The following TENM3 variants were observed in gnomAD, a reference collection of about 807,000 sequenced individuals.
TENM3 encodes the protein teneurin transmembrane protein 3, also known as teneurin-3.
A neutral mutation model predicts 255.1 loss-of-function variants in TENM3; 63 were observed. The ratio of observed to expected loss-of-function variants is 0.25; its 90% CI spans 0.20 to 0.30. The LOEUF is 0.30. Ranked by LOEUF, TENM3 falls within the 10% of genes least tolerant of loss-of-function variation. The pLI, the probability that TENM3 is intolerant of heterozygous loss-of-function variation, is 1.00. For synonymous variants in TENM3, 1,306 were observed against 1,322.3 expected (o/e 0.99, Z 0.27); for missense variants, 2,929 against 3,461.1 (o/e 0.85, Z 3.86).
At chr4:182,295,360 C>G (rs1337878930) in intron 1 of TENM3, among the ~76,000 whole-genome samples, 4 of 149,224 alleles carry the variant, frequency 2.7e-5, no homozygotes, top group Non-Finnish European at 5.9e-5. Context: ...CCCTGCCTCC[C>G]GAGTTCAAGT....
At chr4:182,662,666 T>G (rs1754325711) in intron 6 of TENM3, among the ~76,000 whole-genome samples, 1 of 152,198 alleles carries the variant, frequency 6.6e-6, no homozygotes, top group Admixed American at 6.5e-5. Context: ...TTTTTATTTC[T>G]TCTGAAGCCA....
At chr4:181,806,549 A>G in the TENM3 span, among the ~76,000 whole-genome samples, 1 of 152,186 alleles carries the variant, frequency 6.6e-6, no homozygotes, top group Non-Finnish European at 1.5e-5. Flanking sequence ...CATGCCTTTT[A>G]AAAAGGGCTT....
At chr4:181,491,064 T>G in the TENM3 span, among the ~76,000 whole-genome samples, 1 of 152,110 alleles carries the variant, frequency 6.6e-6, no homozygotes, top group Non-Finnish European at 1.5e-5. Flanking sequence ...TTTTAAAAAA[T>G]ACCTTCTGAG....
chr4:182,453,595 A>G (rs936575155), intron 3 of TENM3, among the ~76,000 whole-genome samples: 1 of 152,192 alleles, frequency 6.6e-6, no homozygotes, highest in Non-Finnish European at 1.5e-5. Flanking sequence ...TTTTGTGGTT[A>G]TATATATTAA....
At chr4:182,551,033 C>G (rs1298891244) in intron 3 of TENM3, among the ~76,000 whole-genome samples, 1 of 151,984 alleles carries the variant, frequency 6.6e-6, no homozygotes, top group African/African-American at 2.4e-5. Flanking sequence ...CCAGCCTGGT[C>G]AACACAGTGA....
chr4:181,602,445 A>C, the TENM3 span, among the ~76,000 whole-genome samples: 1 of 152,164 alleles, frequency 6.6e-6, no homozygotes, highest in Non-Finnish European at 1.5e-5. Context: ...GCAAACCATC[A>C]TTTGTGATGA....
chr4:182,075,928 T>G, the TENM3 span, among the ~76,000 whole-genome samples: 1 of 152,202 alleles, frequency 6.6e-6, no homozygotes, highest in Admixed American at 6.5e-5. Context: ...CCTTTTCTTT[T>G]TAAGAGGTAG....
chr4:182,462,108 A>T (rs1222172563), intron 3 of TENM3, among the ~76,000 whole-genome samples: 1 of 150,142 alleles, frequency 6.7e-6, no homozygotes, highest in Non-Finnish European at 1.5e-5. Context: ...GGTCTCTGTC[A>T]TCCAGGCTGC....
rs745874984 is a variant in TENM3, at chr4:182,346,924, A to G, written c.506A>G (p.Glu169Gly). The change falls in exon 3 of 28, where the codon GAG becomes GGG. Residue 169 changes from glutamate to glycine, a missense_variant. Physicochemically the swap from Glu to Gly is moderately conservative, Grantham distance 98. Transcript: ENST00000511685. ...DTEHENKSDS[E>G]NEQPASNQGQ... ...GAGCACGAAAACAAGTCCGACAGTG[A>G]GAATGGTAAGTTTCCTTTTTGGCTT... is the stretch of plus-strand genomic sequence containing the variant. The G allele has an allele frequency of 6.2e-7, 1 of 1,602,132 alleles. No homozygotes were observed. Among genetic ancestry groups the G allele is most frequent in the South Asian group, 1.1e-5 (1 of 89,824 alleles).
the TENM3 span, among the ~76,000 whole-genome samples, chr4:181,546,087 T>G: frequency 6.6e-6 from 1 of 152,218 alleles, no homozygotes; most frequent in Non-Finnish European, 1.5e-5. Context: ...TGGTGGCCAC[T>G]GCAAAGGTCT....
chr4:181,523,028 A>G, the TENM3 span: 4 of 622,556 alleles, frequency 6.4e-6, no homozygotes, highest in Admixed American at 1.9e-5. Flanking sequence ...AAGATTGTAG[A>G]AGAAGGGAAA....
chr4:182,340,862 C>G (rs957558780), intron 2 of TENM3, among the ~76,000 whole-genome samples: 1 of 152,124 alleles, frequency 6.6e-6, no homozygotes, highest in Non-Finnish European at 1.5e-5. Context: ...TCCATTCAAG[C>G]TCACAACAAC....
At chr4:181,775,206 C>T in the TENM3 span, among the ~76,000 whole-genome samples, 3 of 152,190 alleles carry the variant, frequency 2.0e-5, no homozygotes, top group African/African-American at 7.2e-5. Context: ...TCAGGCACAA[C>T]ATTCTGACTA....
chr4:182,578,759 A>T (rs536242877), intron 3 of TENM3, among the ~76,000 whole-genome samples: 1 of 152,274 alleles, frequency 6.6e-6, no homozygotes, highest in South Asian at 2.1e-4. Flanking sequence ...TCAGGTACAG[A>T]TTCTTCCACT....
chr4:181,727,847 T>C, the TENM3 span, among the ~76,000 whole-genome samples: 2 of 152,200 alleles, frequency 1.3e-5, no homozygotes, highest in African/African-American at 4.8e-5. Flanking sequence ...AAGGATCAAC[T>C]GACTCTCCGA....
At chr4:181,560,366 G>A in the TENM3 span, among the ~76,000 whole-genome samples, 1 of 152,210 alleles carries the variant, frequency 6.6e-6, no homozygotes, top group African/African-American at 2.4e-5. Context: ...GAGTTAGGGG[G>A]TGTGGGGACA....
the TENM3 span, among the ~76,000 whole-genome samples, chr4:181,758,319 G>A: frequency 3.3e-5 from 5 of 152,170 alleles, no homozygotes; most frequent in East Asian, 1.9e-4. Flanking sequence ...GGAGAAGGAG[G>A]CTTCTTAGCT....
intron 1 of TENM3, among the ~76,000 whole-genome samples, chr4:182,266,572 A>G (rs1017092680): frequency 2.0e-5 from 3 of 152,180 alleles, no homozygotes; most frequent in African/African-American, 7.2e-5. Context: ...ATGGTTAAAC[A>G]TTACAAATGG....
Position 182,378,579 on chromosome 4 carries a change from A to C in TENM3, c.511+31650A>C, listed in dbSNP as rs28552079. ...CAGATGGAAGGAAAGCATCGCAAAG[A>C]CCCCAGGAGTGCAAGAGCTAATGGG... On this transcript the variant is annotated intron_variant, in intron 3 of 27. Coordinates refer to ENST00000511685, the MANE Select transcript of TENM3 (RefSeq NM_001080477.4). Among the ~76,000 whole-genome samples, 867 of 152,174 alleles carry C rather than the reference A, an allele frequency of 5.7e-3. 9 individuals are homozygous for C. Among genetic ancestry groups the C allele is most frequent in the African/African-American group, 0.02 (830 of 41,510 alleles).
Sources: gnomAD v4.1 joint callset for allele counts (sites outside exome capture counted in the v4.1 genomes callset) on GRCh38, gnomAD v4.1.1 for gene constraint, MANE v1.5 for transcripts, NCBI Gene and HGNC (gene_info 2026-07-23, HGNC 2026-07-21) for gene names.